The following RCC1L variants were observed in gnomAD, a reference collection of about 807,000 sequenced individuals.
The protein encoded by RCC1L is RCC1 like, also known as RCC1-like G exchanging factor-like protein.
A neutral mutation model predicts 58.6 loss-of-function variants in RCC1L; 46 were observed. The ratio of observed to expected loss-of-function variants is 0.79; its 90% confidence interval spans 0.62 to 1.00. The LOEUF (loss-of-function observed/expected upper bound fraction) is 1.00. RCC1L is among the 50% of genes least tolerant of loss of function. RCC1L has a pLI of 0.00. For missense variants in RCC1L, 636 were observed against 623.6 expected, an observed-to-expected ratio of 1.02 and a Z score of -0.21; for synonymous variants, 281 against 262.9, an observed-to-expected ratio of 1.07 and a Z score of -0.67.
At chr7:75,049,135 C>A (rs1449222670) in intron 10 of RCC1L, among the ~76,000 whole-genome samples, 2 of 152,020 alleles carry the variant, frequency 1.3e-5, no homozygotes, top group Non-Finnish European at 2.9e-5. Context: ...CTTTTTTTCT[C>A]TTCTTTTCTG....
Position 75,073,759 on chromosome 7 carries a change from G to A in RCC1L, c.-22C>T. 2 of 1,492,702 alleles carry A rather than the reference G, an allele frequency of 1.3e-6. No individual in the cohort carries two copies. The highest frequency in any genetic ancestry group is 8.9e-7 in the Non-Finnish European group (1 of 1,129,272). The allele number at this position is 1,492,702 out of a possible 1,614,324, so 92.5% of individuals were successfully genotyped here. On this transcript the variant is annotated 5_prime_UTR_variant, in exon 1 of 11. Coordinates refer to ENST00000610322, the MANE Select transcript of RCC1L (RefSeq NM_030798.5). ...CCATCCTCCGTTCCGCGCCTCAGCA[G>A]CCTCTGGGCGCCGCCATCTTGCGTG...
At position 75,066,809 on chromosome 7, in the gene RCC1L, A is replaced by T. The variant is rs1296570147; in HGVS notation, c.455-17T>A. The stretch of plus-strand genomic sequence containing the variant: ...AGCCCCTCGCTGGAAAAGACACAGG[A>T]CACTGATTGAGGCATGCATTTCTAC... On this transcript the variant is annotated splice_polypyrimidine_tract_variant and intron_variant, in intron 2 of 10. Coordinates refer to ENST00000610322, the MANE Select transcript of RCC1L (RefSeq NM_030798.5). 1.3e-6 allele frequency: 2 copies of T among 1,595,584 alleles called. No individual in the cohort carries two copies. Among genetic ancestry groups the T allele is most frequent in the African/African-American group, 1.4e-5 (1 of 73,970 alleles).
At chr7:75,031,920 G>A (rs1340860346) in intron 10 of RCC1L, among the ~76,000 whole-genome samples, 1 of 152,212 alleles carries the variant, frequency 6.6e-6, no homozygotes, top group Non-Finnish European at 1.5e-5. Flanking sequence ...CCTTCCCCAT[G>A]TGGGCCAACC....
intron 6 of RCC1L, among the ~76,000 whole-genome samples, chr7:75,059,803 AG>A (rs1806215411): frequency 6.6e-6 from 1 of 152,164 alleles, no homozygotes; most frequent in Non-Finnish European, 1.5e-5. Context: ...CCCAAAAAAC[AG>A]GGAACTTAAA....
intron 10 of RCC1L, among the ~76,000 whole-genome samples, chr7:75,035,497 T>A (rs1447022617): frequency 6.6e-6 from 1 of 152,100 alleles, no homozygotes; most frequent in Non-Finnish European, 1.5e-5. Context: ...CTCAAAAAAA[T>A]TAAATGAATG....
intron 2 of RCC1L, among the ~76,000 whole-genome samples, chr7:75,067,561 G>A (rs6460092): frequency 0.53 from 80,909 of 151,930 alleles, 23,178 homozygotes; most frequent in East Asian, 0.88. Flanking sequence ...CCCAGGAGGC[G>A]GAGGTTGCCA....
intron 1 of RCC1L, among the ~76,000 whole-genome samples, chr7:75,072,732 C>A (rs1359802122): frequency 2.0e-5 from 3 of 152,170 alleles, no homozygotes; most frequent in African/African-American, 7.2e-5. Flanking sequence ...GTAATCCCAG[C>A]ACTTTGGGAG....
At chr7:75,061,369 A>T in intron 5 of RCC1L, 78 bp from the exon 6 acceptor site, 1 of 1,278,738 alleles carries the variant, frequency 7.8e-7, no homozygotes, top group Non-Finnish European at 1.1e-6. Flanking sequence ...AAGGACCAGC[A>T]CCATCGCCTG....
At chr7:75,062,111 C>A (rs1266026669) in intron 5 of RCC1L, among the ~76,000 whole-genome samples, 1 of 152,072 alleles carries the variant, frequency 6.6e-6, no homozygotes, top group African/African-American at 2.4e-5. Flanking sequence ...TCGCTTGAAC[C>A]CAGGAGGCAG....
At chr7:75,066,011 C>G (rs1806464698) in intron 3 of RCC1L, among the ~76,000 whole-genome samples, 2 of 93,268 alleles carry the variant, frequency 2.1e-5, no homozygotes, top group Non-Finnish European at 4.1e-5. Flanking sequence ...CAGCGAGACT[C>G]TGTCTCAAAA....
intron 10 of RCC1L, 31 bp from the exon 11 acceptor site, chr7:75,043,140 G>A (rs1029238735): frequency 1.9e-6 from 3 of 1,613,066 alleles, no homozygotes; most frequent in South Asian, 2.2e-5. Context: ...TACCATGGGT[G>A]GGGGTGGCGC....
At chr7:75,058,542 T>G in intron 7 of RCC1L, 46 bp downstream of exon 7, 1 of 1,554,984 alleles carries the variant, frequency 6.4e-7, no homozygotes, top group Non-Finnish European at 8.7e-7. Context: ...CTTAACACTT[T>G]AATGTTTCCA....
At position 75,055,605 on chromosome 7, in the gene RCC1L, C is replaced by T. The variant is rs942038976; in HGVS notation, c.1231+296G>A. ...TCTGCTGGTTTCCTCCAGCACCCGA[C>T]GTACTAGCAATGCCCCTTCCTACCA... On this transcript the variant is annotated intron_variant, in intron 9 of 10. Transcript: ENST00000610322. The T allele has an allele frequency of 1.4e-5, 6 of 425,126 alleles. No individual in the cohort carries two copies. The East Asian group carries it at 1.5e-4, about 11-fold the overall frequency. 26.3% of individuals were successfully genotyped at this position (425,126 alleles called of 1,614,324 possible).
intron 8 of RCC1L, chr7:75,056,651 G>A (rs2131993251): frequency 1.3e-6 from 2 of 1,535,434 alleles, no homozygotes; most frequent in East Asian, 4.9e-5. Flanking sequence ...CCCAGGCTAA[G>A]GGAGGGGAAT....
At chr7:75,051,050 C>T (rs888867624) in intron 10 of RCC1L, among the ~76,000 whole-genome samples, 16 of 151,850 alleles carry the variant, frequency 1.1e-4, no homozygotes, top group Non-Finnish European at 1.0e-4. Flanking sequence ...GCTGTGATCA[C>T]ATCACTGCAA....
At chr7:75,033,581 G>C (rs1805364732) in intron 10 of RCC1L, among the ~76,000 whole-genome samples, 2 of 151,984 alleles carry the variant, frequency 1.3e-5, no homozygotes, top group Non-Finnish European at 2.9e-5. Flanking sequence ...TGTAATCCCA[G>C]CTACTCGGGA....
In RCC1L at chr7:75,044,669, G is replaced by A. The variant is rs587611106; in HGVS notation, c.1318-1560C>T. On this transcript the variant is annotated intron_variant, in intron 10 of 10. Transcript: ENST00000610322. Reference sequence around the variant, plus strand: ...TCACCAGCTGCCCCAGTCCCCATCTGCCTCTGAACTGAAAACTACTTTTAA... The same window carrying A: ...TCACCAGCTGCCCCAGTCCCCATCTACCTCTGAACTGAAAACTACTTTTAA... 9.4e-3 allele frequency among the ~76,000 whole-genome samples: 1,398 copies of A among 148,102 alleles called. 7 individuals carry two copies. Among genetic ancestry groups the A allele is most frequent in the Non-Finnish European group, 0.014 (968 of 67,428 alleles).
chr7:75,061,700 A>C (rs1806284335), intron 5 of RCC1L, among the ~76,000 whole-genome samples: 1 of 149,362 alleles, frequency 6.7e-6, no homozygotes, highest in South Asian at 2.1e-4. Flanking sequence ...CTCTCTCCTC[A>C]CTCCTCATGC....
At chr7:75,052,899 C>G (rs1805959125) in intron 9 of RCC1L, 103 bp from the exon 10 acceptor site, 2 of 1,065,730 alleles carry the variant, frequency 1.9e-6, no homozygotes, top group Non-Finnish European at 2.8e-6. Context: ...CAGATACCTA[C>G]AGAGCCCACT....
Sources: gnomAD v4.1 joint callset for allele counts (sites outside exome capture counted in the v4.1 genomes callset) on GRCh38, gnomAD v4.1.1 for gene constraint, MANE v1.5 for transcripts, NCBI Gene and HGNC (gene_info 2026-07-23, HGNC 2026-07-21) for gene names.